Variants in TBC1D22A observed in about 807,000 individuals in gnomAD.
The protein encoded by TBC1D22A is TBC1 domain family member 22A, also known as putative GTPase activator.
Under a neutral mutation model 60.2 loss-of-function variants are expected in TBC1D22A, and 38 were observed. The observed-to-expected ratio is 0.63, with a 90% CI of 0.49 to 0.83. TBC1D22A has a LOEUF of 0.83. Among genes scored for constraint, TBC1D22A ranks in the 40% least tolerant of loss-of-function variants. The pLI is 0.00. For missense variants in TBC1D22A, 628 were observed against 701.0 expected, an observed-to-expected ratio of 0.90 and a Z score of 1.18; for synonymous variants, 302 against 281.7, an observed-to-expected ratio of 1.07 and a Z score of -0.72.
At chr22:46,911,477 GTGC>G (rs2069918216) in intron 7 of TBC1D22A, among the ~76,000 whole-genome samples, 1 of 152,194 alleles carries the variant, frequency 6.6e-6, no homozygotes, top group Non-Finnish European at 1.5e-5. Flanking sequence ...GATAGGTCAG[GTGC>G]TGCTGCACGG....
At chr22:46,899,025 G>T (rs971820490) in intron 7 of TBC1D22A, among the ~76,000 whole-genome samples, 18 of 152,158 alleles carry the variant, frequency 1.2e-4, no homozygotes, top group Non-Finnish European at 2.4e-4. Flanking sequence ...CAACTTGGAG[G>T]GTAGATGAGC....
intron 9 of TBC1D22A, among the ~76,000 whole-genome samples, chr22:46,980,900 A>C (rs1276020917): frequency 1.3e-5 from 2 of 152,394 alleles, no homozygotes; most frequent in Middle Eastern, 6.8e-3. Context: ...AGAAAAAAGT[A>C]GAATAATGTG....
intron 11 of TBC1D22A, among the ~76,000 whole-genome samples, chr22:47,068,597 A>G (rs2063857610): frequency 6.6e-6 from 1 of 152,244 alleles, no homozygotes; most frequent in African/African-American, 2.4e-5. Flanking sequence ...TAATTTCTCT[A>G]AAACCCTGGG....
At chr22:46,924,571 C>A (rs1210063453) in intron 8 of TBC1D22A, among the ~76,000 whole-genome samples, 1 of 152,010 alleles carries the variant, frequency 6.6e-6, no homozygotes, top group Non-Finnish European at 1.5e-5. Flanking sequence ...GTGGTGAAAC[C>A]CCTTCTCTAC....
intron 11 of TBC1D22A, among the ~76,000 whole-genome samples, chr22:47,081,605 A>T (rs1024512104): frequency 6.6e-6 from 1 of 152,252 alleles, no homozygotes; most frequent in Admixed American, 6.5e-5. Context: ...GAAAAAGTGG[A>T]TGCAGGATAC....
intron 11 of TBC1D22A, among the ~76,000 whole-genome samples, chr22:47,048,661 G>A (rs1393716181): frequency 1.3e-5 from 2 of 152,152 alleles, no homozygotes; most frequent in Non-Finnish European, 2.9e-5. Context: ...TTCCTCTGCC[G>A]TCCCCTGTGC....
chr22:47,011,332 G>A (rs1304485147), intron 10 of TBC1D22A, among the ~76,000 whole-genome samples: 2 of 152,228 alleles, frequency 1.3e-5, no homozygotes, highest in East Asian at 1.9e-4. Flanking sequence ...CACTCCCCGC[G>A]CTTCCTCCTG....
chr22:47,173,624 T>C lies in TBC1D22A; in HGVS notation c.1552T>C (p.Ter518ArgextTer26), dbSNP rs1380954201. ...CGACGCCCCCAATCACTACAAGAAA[T>C]GAGCCCAGGCCCACCCGCAGCTGGC... is the stretch of plus-strand genomic sequence containing the variant. ...FADAPNHYKK[*>R] Residue 518 changes from the stop codon to arginine, a stop_lost, in exon 13 of 13, where the codon TGA becomes CGA. Coordinates refer to ENST00000337137, the MANE Select transcript of TBC1D22A (RefSeq NM_014346.5). 6.2e-6 allele frequency: 10 copies of C among 1,613,528 alleles called. No individual in the cohort carries two copies. Among genetic ancestry groups the C allele is most frequent in the African/African-American group, 1.3e-5 (1 of 75,000 alleles).
intron 11 of TBC1D22A, among the ~76,000 whole-genome samples, chr22:47,071,850 A>T (rs545305448): frequency 6.6e-6 from 1 of 152,114 alleles, no homozygotes; most frequent in Non-Finnish European, 1.5e-5. Flanking sequence ...GTGGAGAGAC[A>T]GTTTCTGATT....
intron 7 of TBC1D22A, among the ~76,000 whole-genome samples, chr22:46,903,725 G>C (rs1044403738): frequency 6.6e-6 from 1 of 152,194 alleles, no homozygotes; most frequent in Admixed American, 6.5e-5. Flanking sequence ...GGCCGCTGCT[G>C]TGAGACAGCC....
At chr22:47,130,286 C>T (rs2066635193) in intron 12 of TBC1D22A, among the ~76,000 whole-genome samples, 1 of 152,204 alleles carries the variant, frequency 6.6e-6, no homozygotes, top group South Asian at 2.1e-4. Context: ...TGGGACCCAT[C>T]CCTTCTAGGC....
chr22:47,059,936 C>T (rs2063512543), intron 11 of TBC1D22A, among the ~76,000 whole-genome samples: 1 of 152,214 alleles, frequency 6.6e-6, no homozygotes, highest in Admixed American at 6.5e-5. Context: ...GGCCAAGCTT[C>T]TCTGTTCCAG....
chr22:47,036,964 G>A (rs1233594555), intron 10 of TBC1D22A, 107 bp from the exon 11 acceptor site: 2 of 1,373,638 alleles, frequency 1.5e-6, no homozygotes, highest in African/African-American at 2.9e-5. Context: ...CCCTGTTGGA[G>A]TGGGGTTCTG....
chr22:46,953,451 GC>G (rs1245023421), intron 8 of TBC1D22A, among the ~76,000 whole-genome samples: 7 of 150,950 alleles, frequency 4.6e-5, no homozygotes, highest in East Asian at 1.9e-4. Flanking sequence ...TTTAAAAAAT[GC>G]CTTTCATATT....
At chr22:46,794,066 C>T (rs1034946948) in intron 3 of TBC1D22A, among the ~76,000 whole-genome samples, 7 of 152,212 alleles carry the variant, frequency 4.6e-5, no homozygotes, top group South Asian at 4.1e-4. Context: ...TGCGTGTCTC[C>T]TCCTAGTGGA....
intron 4 of TBC1D22A, among the ~76,000 whole-genome samples, chr22:46,864,780 C>A (rs1421370504): frequency 6.6e-6 from 1 of 150,714 alleles, no homozygotes; most frequent in Non-Finnish European, 1.5e-5. Flanking sequence ...CGAGGGAGTA[C>A]CGTGGGCAGC....
chr22:46,938,139 TGAC>T (rs1354063494), intron 8 of TBC1D22A, among the ~76,000 whole-genome samples: 4 of 152,220 alleles, frequency 2.6e-5, no homozygotes, highest in Non-Finnish European at 2.9e-5. Context: ...ACTCACTCAC[TGAC>T]TCACCCAGAG....
At chr22:46,908,859 A>C (rs1202415026) in intron 7 of TBC1D22A, among the ~76,000 whole-genome samples, 1 of 152,156 alleles carries the variant, frequency 6.6e-6, no homozygotes, top group Non-Finnish European at 1.5e-5. Flanking sequence ...CCCGTAGTGC[A>C]TAGTGCATTC....
intron 11 of TBC1D22A, among the ~76,000 whole-genome samples, chr22:47,108,458 A>C (rs1051786809): frequency 6.6e-6 from 1 of 152,248 alleles, no homozygotes; most frequent in African/African-American, 2.4e-5. Flanking sequence ...CCAAATGTGT[A>C]TTATATGATT....
Sources: gnomAD v4.1 joint callset for allele counts (sites outside exome capture counted in the v4.1 genomes callset) on GRCh38, gnomAD v4.1.1 for gene constraint, MANE v1.5 for transcripts, NCBI Gene and HGNC (gene_info 2026-07-23, HGNC 2026-07-21) for gene names.